Variants in PAAF1 observed in about 807,000 individuals in gnomAD.
PAAF1 encodes the protein proteasomal ATPase-associated factor 1.
PAAF1 carries 46 observed loss-of-function variants against 52.8 expected under a neutral mutation model. The observed-to-expected ratio is 0.87, with a 90% CI of 0.69 to 1.11. The LOEUF is 1.11. Ranked by LOEUF, PAAF1 falls within the 50% of genes most tolerant of loss-of-function variation. The pLI is 0.00. For missense variants in PAAF1, 424 were observed against 477.4 expected, an observed-to-expected ratio of 0.89 and a Z score of 1.04; for synonymous variants, 178 against 172.8, an observed-to-expected ratio of 1.03 and a Z score of -0.24.
Position 73,927,650 on chromosome 11 carries a change from C to T in PAAF1, c.*288C>T. ...TAGATGCTTTTAGTTTGTTCTTAAA[C>T]CAGTTTTGTTAAATGTTTACAAGGA... On this transcript the variant is annotated 3_prime_UTR_variant, in exon 12 of 12. Coordinates refer to ENST00000310571, the MANE Select transcript of PAAF1 (RefSeq NM_025155.3). 2.3e-6 allele frequency: 1 copy of T among 442,472 alleles called. No individual in the cohort carries two copies. The highest frequency in any genetic ancestry group is 4.1e-6 in the Non-Finnish European group (1 of 246,174). 27.4% of individuals were successfully genotyped at this position (442,472 alleles called of 1,614,324 possible). A position where few individuals can be genotyped will look rare whatever the true frequency, so the allele number is the denominator to read the frequency against.
chr11:73,884,863 CTT>C (rs1201853305), intron 2 of PAAF1, among the ~76,000 whole-genome samples: 13 of 143,920 alleles, frequency 9.0e-5, no homozygotes, highest in Non-Finnish European at 6.1e-5. Flanking sequence ...TTCTTTTATT[CTT>C]TTTTTTTTTT....
At chr11:73,908,814 C>T (rs939277666) in intron 6 of PAAF1, among the ~76,000 whole-genome samples, 2 of 151,762 alleles carry the variant, frequency 1.3e-5, no homozygotes, top group East Asian at 1.9e-4. Flanking sequence ...TTTTTTGAGA[C>T]GGAGTCTCCT....
chr11:73,914,647 T>A, intron 8 of PAAF1, 143 bp downstream of exon 8: 1 of 581,492 alleles, frequency 1.7e-6, no homozygotes. Context: ...TACAGTGTAA[T>A]GATTAAGAGT....
chr11:73,923,428 T>TC (rs1245734253), intron 10 of PAAF1, among the ~76,000 whole-genome samples: 1 of 152,188 alleles, frequency 6.6e-6, no homozygotes, highest in Non-Finnish European at 1.5e-5. Flanking sequence ...ATCAAAATGT[T>TC]AACAGTAATT....
chr11:73,907,077 TTC>T (rs1949779422), intron 6 of PAAF1, among the ~76,000 whole-genome samples: 1 of 152,136 alleles, frequency 6.6e-6, no homozygotes, highest in African/African-American at 2.4e-5. Flanking sequence ...TGTGTATTTT[TTC>T]TCTTTTTTTT....
intron 11 of PAAF1, among the ~76,000 whole-genome samples, chr11:73,925,543 C>T (rs1472816278): frequency 6.6e-6 from 1 of 151,592 alleles, no homozygotes; most frequent in Admixed American, 6.6e-5. Flanking sequence ...ACTAGTCTGT[C>T]AATTCATCTG....
chr11:73,914,307 A>C (rs549441929), intron 7 of PAAF1, 106 bp from the exon 8 acceptor site: 18 of 872,990 alleles, frequency 2.1e-5, no homozygotes, highest in African/African-American at 1.2e-4. Flanking sequence ...CTTTGTAATA[A>C]GTGAATCGCT....
intron 6 of PAAF1, among the ~76,000 whole-genome samples, chr11:73,907,568 C>G (rs1949797177): frequency 2.6e-5 from 4 of 152,180 alleles, no homozygotes; most frequent in Non-Finnish European, 5.9e-5. Context: ...CAGGGCACCT[C>G]TTTGTGCCTG....
At chr11:73,897,651 A>G (rs890478178) in intron 4 of PAAF1, among the ~76,000 whole-genome samples, 2 of 146,212 alleles carry the variant, frequency 1.4e-5, no homozygotes, top group African/African-American at 5.4e-5. Context: ...GAGGCTCCTC[A>G]CTTTCCAGAC....
intron 4 of PAAF1, among the ~76,000 whole-genome samples, chr11:73,895,957 A>C (rs1184796828): frequency 6.6e-6 from 1 of 152,192 alleles, no homozygotes; most frequent in Non-Finnish European, 1.5e-5. Flanking sequence ...AAAAAGTTAA[A>C]AAATTAGCTG....
chr11:73,877,308 T>A, intron 1 of PAAF1: 1 of 366,080 alleles, frequency 2.7e-6, no homozygotes, highest in Non-Finnish European at 4.9e-6. Context: ...CTAGTATCAG[T>A]GAGTTGGAGA....
intron 4 of PAAF1, among the ~76,000 whole-genome samples, chr11:73,896,081 C>T (rs1350282662): frequency 6.6e-6 from 1 of 152,024 alleles, no homozygotes; most frequent in Non-Finnish European, 1.5e-5. Flanking sequence ...TGCACTTCAG[C>T]CTGAGCAACA....
At chr11:73,925,560 T>C (rs374470314) in intron 11 of PAAF1, among the ~76,000 whole-genome samples, 3 of 152,078 alleles carry the variant, frequency 2.0e-5, no homozygotes, top group South Asian at 4.1e-4. Flanking sequence ...TCTGTAAAGA[T>C]AGTAATCTGA....
intron 5 of PAAF1, 70 bp from the exon 6 acceptor site, chr11:73,900,200 G>A (rs375176783): frequency 3.3e-6 from 5 of 1,502,806 alleles, no homozygotes; most frequent in East Asian, 4.6e-5. Context: ...AGGGACCAGA[G>A]TATGGGAGGT....
chr11:73,897,044 T>A (rs1297989905), intron 4 of PAAF1, among the ~76,000 whole-genome samples: 2 of 117,186 alleles, frequency 1.7e-5, no homozygotes, highest in East Asian at 3.0e-4. Context: ...CACTTCCCAG[T>A]AGGGGCGGCC....
intron 2 of PAAF1, chr11:73,880,269 A>G (rs1369174307): frequency 6.6e-6 from 1 of 152,126 alleles, no homozygotes; most frequent in Non-Finnish European, 1.5e-5. Context: ...TGGCTCTAAA[A>G]AAAGAAACAC....
rs1281898370 is a variant in PAAF1 at position 73,929,021 on chromosome 11, C to A, written c.*1659C>A. On this transcript the variant is annotated 3_prime_UTR_variant, in exon 12 of 12. Transcript: ENST00000310571. ...GGTGTGAGCCACCGTACCCGGCCGG[C>A]CACCAGAGTTTTTAAAGGCGTATTC... The A allele has an allele frequency of 1.3e-5, 2 of 151,816 alleles. No individual in the cohort carries two copies. Among genetic ancestry groups the A allele is most frequent in the East Asian group, 3.9e-4 (2 of 5,166 alleles). 9.4% of individuals were successfully genotyped at this position (151,816 alleles called of 1,614,324 possible). A position where few individuals can be genotyped will look rare whatever the true frequency, so the allele number is the denominator to read the frequency against.
At chr11:73,924,054 G>A (rs1363509225) in intron 10 of PAAF1, among the ~76,000 whole-genome samples, 5 of 151,872 alleles carry the variant, frequency 3.3e-5, no homozygotes, top group South Asian at 2.1e-4. Context: ...CTGTGCCTTT[G>A]GCAGGCATTG....
At chr11:73,883,600 T>G (rs1010321883) in intron 2 of PAAF1, among the ~76,000 whole-genome samples, 1 of 152,078 alleles carries the variant, frequency 6.6e-6, no homozygotes, top group Admixed American at 6.6e-5. Flanking sequence ...CACTGCAGCC[T>G]TCACCTCCCA....
Sources: allele counts gnomAD v4.1 joint callset (sites outside exome capture counted in the v4.1 genomes callset), GRCh38; gene constraint gnomAD v4.1.1; transcripts MANE v1.5; gene names NCBI Gene and HGNC (gene_info 2026-07-23, HGNC 2026-07-21).